Variants in SUZ12 observed in about 807,000 individuals in gnomAD.
SUZ12 encodes polycomb protein SUZ12.
Under a neutral mutation model 87.3 loss-of-function variants are expected in SUZ12, and 17 were observed. That is an observed-to-expected ratio of 0.19 (90% CI 0.13 to 0.29). SUZ12 has a LOEUF of 0.29. SUZ12 is among the 10% of genes least tolerant of loss of function. The pLI, the probability that SUZ12 is intolerant of heterozygous loss-of-function variation, is 1.00. For missense variants in SUZ12, 526 were observed against 912.2 expected, an observed-to-expected ratio of 0.58 and a Z score of 5.45; for synonymous variants, 253 against 312.4, an observed-to-expected ratio of 0.81 and a Z score of 2.01.
rs759456911 is a variant in SUZ12, at chr17:31,973,134, T to C, written c.506-12T>C. ...TTTTAAATATATTTTAAAATACTGA[T>C]TTTCTATTTAGATAAGCCATCACCA... On this transcript the variant is annotated splice_polypyrimidine_tract_variant and intron_variant, in intron 5 of 15. Transcript: ENST00000322652. 2 of 1,525,486 alleles carry C rather than the reference T, an allele frequency of 1.3e-6. No homozygotes were observed. The highest frequency in any genetic ancestry group is 4.3e-5 in the Admixed American group (2 of 46,220). 94.5% of individuals were successfully genotyped at this position (1,525,486 alleles called of 1,614,324 possible). A position where few individuals can be genotyped will look rare whatever the true frequency, so the allele number is the denominator to read the frequency against.
chr17:31,949,627 A>T (rs1374059645), intron 4 of SUZ12, among the ~76,000 whole-genome samples: 1 of 91,028 alleles, frequency 1.1e-5, no homozygotes, highest in African/African-American at 4.2e-5. Flanking sequence ...CCTCCCAATT[A>T]TCTAGGATTA....
intron 9 of SUZ12, among the ~76,000 whole-genome samples, chr17:31,986,397 T>A (rs1424050891): frequency 6.6e-6 from 1 of 152,220 alleles, no homozygotes; most frequent in Non-Finnish European, 1.5e-5. Context: ...GATAATTGGG[T>A]TATTTGATTT....
At chr17:31,990,231 C>T (rs1909651924) in intron 10 of SUZ12, among the ~76,000 whole-genome samples, 1 of 150,732 alleles carries the variant, frequency 6.6e-6, no homozygotes, top group Non-Finnish European at 1.5e-5. Context: ...CCTCGGCCTC[C>T]CAAAGTGCTG....
At chr17:31,966,883 T>C (rs1908122506) in intron 5 of SUZ12, 1 of 152,154 alleles carries the variant, frequency 6.6e-6, no homozygotes, top group African/African-American at 2.4e-5. Flanking sequence ...TAGAGTTGTT[T>C]TAAAAATGGA....
intron 3 of SUZ12, among the ~76,000 whole-genome samples, chr17:31,943,737 G>C (rs1459699762): frequency 6.6e-6 from 1 of 150,628 alleles, no homozygotes; most frequent in Non-Finnish European, 1.5e-5. Flanking sequence ...GTCTTGCTCT[G>C]TCGTCTAGGC....
At chr17:31,955,823 C>G (rs1228591626) in intron 4 of SUZ12, among the ~76,000 whole-genome samples, 2 of 152,086 alleles carry the variant, frequency 1.3e-5, no homozygotes, top group African/African-American at 4.8e-5. Context: ...CTCTAACAGT[C>G]CTCCTGTCTC....
In SUZ12 at chr17:31,940,324, C is replaced by G; in HGVS notation, c.313C>G (p.Leu105Val). The G allele has an allele frequency of 1.9e-6, 3 of 1,613,400 alleles. No homozygotes were observed. The highest frequency in any genetic ancestry group is 2.5e-6 in the Non-Finnish European group (3 of 1,179,646). The change falls in exon 2 of 16, where the codon CTC (leucine) becomes GTC (valine). Residue 105 changes from leucine (L) to valine (V), a missense_variant. This residue lies in a region of SUZ12 where 18 missense variants were observed against 62.3 expected (regional missense o/e 0.29). Transcript: ENST00000322652. ...CTATAGATTTCTTCGAACTCGGAAT[C>G]TCATAGCAGTAAGTAGTCAACAAAA... is the stretch of plus-strand genomic sequence containing the variant. ...QIYRFLRTRN[L>V]IAPIFLHRTL...
intron 10 of SUZ12, among the ~76,000 whole-genome samples, chr17:31,992,085 A>G (rs1909748174): frequency 6.6e-6 from 1 of 151,636 alleles, no homozygotes; most frequent in Non-Finnish European, 1.5e-5. Flanking sequence ...TGAACTCAGG[A>G]GTTCAAGACC....
intron 4 of SUZ12, 165 bp from the exon 5 acceptor site, chr17:31,965,982 A>G (rs1008015561): frequency 1.6e-5 from 9 of 565,528 alleles, no homozygotes; most frequent in African/African-American, 1.5e-4. Context: ...TTTGGATGTC[A>G]TATTTAACAG....
intron 4 of SUZ12, among the ~76,000 whole-genome samples, chr17:31,958,761 G>A (rs1907521113): frequency 6.6e-6 from 1 of 152,166 alleles, no homozygotes; most frequent in African/African-American, 2.4e-5. Context: ...CAGGAGAATT[G>A]CTTAAACCTG....
chr17:31,946,676 A>T (rs1324963870), intron 3 of SUZ12, among the ~76,000 whole-genome samples: 1 of 152,224 alleles, frequency 6.6e-6, no homozygotes. Context: ...CCTAAAGAGG[A>T]AGGGACTATA....
chr17:31,999,074 G>A lies in SUZ12; in HGVS notation c.*71G>A, dbSNP rs970598920. The A allele has an allele frequency of 1.5e-6, 2 of 1,323,574 alleles. No individual in the cohort carries two copies. The highest frequency in any genetic ancestry group is 2.0e-6 in the Non-Finnish European group (2 of 994,358). 82.0% of individuals were successfully genotyped at this position (1,323,574 alleles called of 1,614,324 possible). On this transcript the variant is annotated 3_prime_UTR_variant, in exon 16 of 16. Transcript: ENST00000322652. ...AGGGAATTCATCCTCTAAGAATTAT[G>A]TTTTTGTTTTTAATCATATGTTCCA... is the stretch of plus-strand genomic sequence containing the variant.
intron 3 of SUZ12, among the ~76,000 whole-genome samples, chr17:31,944,861 G>A (rs773703113): frequency 6.6e-6 from 1 of 152,008 alleles, no homozygotes; most frequent in Non-Finnish European, 1.5e-5. Context: ...AAAGGCGAGA[G>A]TTATAGGTCA....
chr17:31,994,425 A>G, intron 12 of SUZ12, 139 bp from the exon 13 acceptor site: 1 of 672,692 alleles, frequency 1.5e-6, no homozygotes, highest in Admixed American at 3.8e-5. Context: ...AGGTCTTCTG[A>G]CTGCCTGTTT....
chr17:31,968,831 A>G (rs1438022445), intron 5 of SUZ12, among the ~76,000 whole-genome samples: 3 of 152,198 alleles, frequency 2.0e-5, no homozygotes, highest in East Asian at 1.9e-4. Flanking sequence ...TGTAGAACAC[A>G]TAGTTTATCC....
chr17:31,998,617 A>T, intron 15 of SUZ12, 41 bp from the exon 16 acceptor site: 1 of 1,431,570 alleles, frequency 7.0e-7, no homozygotes, highest in African/African-American at 1.4e-5. Context: ...TTTGACAAAA[A>T]TGCTTTGTAT....
At position 31,964,209 on chromosome 17, in the gene SUZ12, T is replaced by A. The variant is rs372692654; in HGVS notation, c.456-1938T>A. ...GCCTGGCTAATATTTGTATTTTTAG[T>A]AGAGATTGGGTTTCACCGTGTTAGC... On this transcript the variant is annotated intron_variant, in intron 4 of 15. Coordinates refer to ENST00000322652, the MANE Select transcript of SUZ12 (RefSeq NM_015355.4). Among the ~76,000 whole-genome samples the A allele has an allele frequency of 2.1e-3, 316 of 151,876 alleles. 1 individual carries two copies. Among genetic ancestry groups the A allele is most frequent in the African/African-American group, 6.9e-3 (286 of 41,442 alleles).
At chr17:31,956,158 C>T (rs866106167) in intron 4 of SUZ12, among the ~76,000 whole-genome samples, 9 of 151,886 alleles carry the variant, frequency 5.9e-5, no homozygotes, top group African/African-American at 1.9e-4. Flanking sequence ...CGTGATCTGT[C>T]CGCCTCGGCC....
intron 3 of SUZ12, among the ~76,000 whole-genome samples, chr17:31,946,382 A>G (rs1475434228): frequency 6.6e-6 from 1 of 152,118 alleles, no homozygotes; most frequent in Non-Finnish European, 1.5e-5. Context: ...AAATGCAAAA[A>G]TTAGCCAGGC....
Sources: gnomAD v4.1 joint callset for allele counts (sites outside exome capture counted in the v4.1 genomes callset) on GRCh38, gnomAD v4.1.1 for gene constraint, gnomAD v4.1.1 regional missense constraint, MANE v1.5 for transcripts, NCBI Gene and HGNC (gene_info 2026-07-23, HGNC 2026-07-21) for gene names.